The following APOOL variants were observed in gnomAD, a reference collection of about 807,000 sequenced individuals.
The protein encoded by APOOL is MICOS complex subunit MIC27.
In APOOL, 12 loss-of-function variants were observed where a neutral mutation model predicts 23.1. The observed-to-expected ratio is 0.52, with a 90% CI of 0.33 to 0.84. The LOEUF (loss-of-function observed/expected upper bound fraction) is 0.84, where lower values mean the gene tolerates loss of function less well. Ranked by LOEUF, APOOL falls within the 40% of genes least tolerant of loss-of-function variation. The pLI, the probability that APOOL is intolerant of heterozygous loss-of-function variation, is 0.02. For synonymous variants in APOOL, 77 were observed against 69.9 expected (o/e 1.10, Z -0.51); for missense variants, 212 against 199.6 (o/e 1.06, Z -0.37).
At chrX:85,077,609 T>C (rs1420578292) in intron 8 of APOOL, among the ~76,000 whole-genome samples, 1 of 111,732 alleles carries the variant, frequency 8.9e-6, no homozygotes. Flanking sequence ...TTATAATCCT[T>C]TGGGTATATA....
At chrX:85,078,992 C>T (rs1239942750) in intron 8 of APOOL, among the ~76,000 whole-genome samples, 2 of 111,121 alleles carry the variant, frequency 1.8e-5, no homozygotes, top group African/African-American at 6.5e-5. Context: ...GATTTTGGGC[C>T]GAGACGATGG....
chrX:85,063,201 C>G (rs920830077), intron 5 of APOOL, among the ~76,000 whole-genome samples: 7 of 111,461 alleles, frequency 6.3e-5, no homozygotes, highest in Non-Finnish European at 1.1e-4. Context: ...AAATTTTGCA[C>G]TTTGATTTTT....
At chrX:85,080,802 A>C (rs1377886433) in intron 8 of APOOL, among the ~76,000 whole-genome samples, 1 of 111,736 alleles carries the variant, frequency 8.9e-6, no homozygotes, top group South Asian at 3.8e-4. Flanking sequence ...TATATTTAGG[A>C]TAGTTAGCAC....
chrX:85,081,014 C>A (rs1924076886), intron 8 of APOOL, among the ~76,000 whole-genome samples: 1 of 111,075 alleles, frequency 9.0e-6, no homozygotes, highest in Admixed American at 9.6e-5. Context: ...TCTCCTGAAT[C>A]CAGCACACTG....
chrX:85,045,592 T>G lies in APOOL; in HGVS notation c.16-854T>G, dbSNP rs190756548. Among the ~76,000 whole-genome samples the G allele has an allele frequency of 6.0e-3, 666 of 111,859 alleles. 5 individuals are homozygous for G. Among genetic ancestry groups the G allele is most frequent in the African/African-American group, 0.02 (630 of 30,876 alleles). The stretch of plus-strand genomic sequence containing the variant: ...TTCTTTCCCATCTAAAGAATCAGAG[T>G]GTTAAAATATTTGTACCTTGGAAAG... On this transcript the variant is annotated intron_variant, in intron 1 of 8. Transcript: ENST00000373173.
At position 85,088,505 on chromosome X, in the gene APOOL, C is replaced by G. The variant is rs1380748873; in HGVS notation, c.*827C>G. On this transcript the variant is annotated 3_prime_UTR_variant, in exon 9 of 9. Coordinates refer to ENST00000373173, the MANE Select transcript of APOOL (RefSeq NM_198450.6). The stretch of plus-strand genomic sequence containing the variant: ...ACACAGGCTTCCTAATACTGCTTAG[C>G]AATCCTTCTACTGGTTCCTAAGTGG... The G allele has an allele frequency of 2.8e-5, 3 of 107,679 alleles. No individual in the cohort carries two copies. The allele number at this position is 107,679 out of a possible 1,213,427, so 8.9% of individuals were successfully genotyped here.
At chrX:85,045,287 C>T (rs1922538195) in intron 1 of APOOL, among the ~76,000 whole-genome samples, 1 of 111,655 alleles carries the variant, frequency 9.0e-6, no homozygotes. Context: ...AGTGTTGACT[C>T]TTAATTTTAC....
At chrX:85,038,324 A>G (rs775641804) in intron 1 of APOOL, among the ~76,000 whole-genome samples, 1 of 110,172 alleles carries the variant, frequency 9.1e-6, no homozygotes, top group Non-Finnish European at 1.9e-5. Context: ...TTTTACATCT[A>G]TGTTTATCAG....
At chrX:85,078,487 G>C (rs759842610) in intron 8 of APOOL, among the ~76,000 whole-genome samples, 48 of 111,365 alleles carry the variant, frequency 4.3e-4, no homozygotes, top group African/African-American at 1.2e-3. Flanking sequence ...GTTTTGGTTA[G>C]TGTAGCCTTG....
At chrX:85,074,469 T>A in intron 8 of APOOL, 78 bp downstream of exon 8, 1 of 1,043,446 alleles carries the variant, frequency 9.6e-7, no homozygotes, top group South Asian at 2.1e-5. Context: ...TGGTTTGAAC[T>A]TAAGATGTGT....
Position 85,092,289 on chromosome X carries a change from T to G in APOOL, c.*4611T>G. On this transcript the variant is annotated 3_prime_UTR_variant, in exon 9 of 9. Transcript: ENST00000373173. ...AAGATCTGCTCAAACAAGAATGTGA[T>G]GATCACTTGCTGTATTGTACAACAA... 2 of 866,939 alleles carry G rather than the reference T, an allele frequency of 2.3e-6. No individual in the cohort carries two copies. The highest frequency in any genetic ancestry group is 3.1e-6 in the Non-Finnish European group (2 of 644,550). 71.4% of individuals were successfully genotyped at this position (866,939 alleles called of 1,213,427 possible). A position where few individuals can be genotyped will look rare whatever the true frequency, so the allele number is the denominator to read the frequency against.
At chrX:85,072,375 G>A (rs1602789921) in intron 6 of APOOL, among the ~76,000 whole-genome samples, 1 of 110,967 alleles carries the variant, frequency 9.0e-6, no homozygotes, top group African/African-American at 3.3e-5. Flanking sequence ...TACTCTTGGT[G>A]GTAGTGTAAA....
Position 85,088,237 on chromosome X carries a change from A to ATGTATAAATACGTACGTATTTAT in APOOL, c.*559_*560insTGTATAAATACGTACGTATTTAT, listed in dbSNP as rs1569462455. On this transcript the variant is annotated 3_prime_UTR_variant, in exon 9 of 9. Coordinates refer to ENST00000373173, the MANE Select transcript of APOOL (RefSeq NM_198450.6). ...AAATACATACATATTTATACATATA[A>ATGTATAAATACGTACGTATTTAT]ACATATATTTCTGCTCTAGCTTTCC... 3.9e-5 allele frequency: 2 copies of ATGTATAAATACGTACGTATTTAT among 51,297 alleles called. No homozygotes were observed. Among genetic ancestry groups the ATGTATAAATACGTACGTATTTAT allele is most frequent in the Non-Finnish European group, 7.3e-5 (2 of 27,521 alleles). The allele number at this position is 51,297 out of a possible 1,213,427, so 4.2% of individuals were successfully genotyped here.
intron 2 of APOOL, among the ~76,000 whole-genome samples, chrX:85,049,156 A>G (rs1922675987): frequency 8.9e-6 from 1 of 111,843 alleles, no homozygotes; most frequent in East Asian, 2.8e-4. Flanking sequence ...AGCTTACTCA[A>G]TGTAATCATA....
At chrX:85,033,673 A>G (rs1431682764) in intron 1 of APOOL, among the ~76,000 whole-genome samples, 1 of 111,756 alleles carries the variant, frequency 8.9e-6, no homozygotes, top group African/African-American at 3.3e-5. Context: ...GATCTGTATA[A>G]AGCACCTGGC....
chrX:85,050,689 T>G (rs1189528383), intron 2 of APOOL, among the ~76,000 whole-genome samples: 1 of 110,412 alleles, frequency 9.1e-6, no homozygotes, highest in Non-Finnish European at 1.9e-5. Context: ...GTATGTTTGT[T>G]TTTATTAAAT....
chrX:85,043,375 A>G (rs1384580764), intron 1 of APOOL, among the ~76,000 whole-genome samples: 1 of 105,439 alleles, frequency 9.5e-6, no homozygotes, highest in African/African-American at 3.4e-5. Flanking sequence ...AACTTTTTGA[A>G]TATCTTATTT....
intron 5 of APOOL, among the ~76,000 whole-genome samples, chrX:85,059,723 T>C (rs1454118502): frequency 2.7e-5 from 3 of 110,399 alleles, no homozygotes; most frequent in Admixed American, 9.7e-5. Flanking sequence ...TTTGATGGGG[T>C]TGTTTGTTTT....
chrX:85,078,521 C>T (rs1197013956), intron 8 of APOOL, among the ~76,000 whole-genome samples: 1 of 110,992 alleles, frequency 9.0e-6, no homozygotes, highest in East Asian at 2.8e-4. Context: ...AGTCAGGTAG[C>T]GTGATGCCTC....
Sources: gnomAD v4.1 joint callset for allele counts (sites outside exome capture counted in the v4.1 genomes callset) on GRCh38, gnomAD v4.1.1 for gene constraint, MANE v1.5 for transcripts, NCBI Gene and HGNC (gene_info 2026-07-23, HGNC 2026-07-21) for gene names.